The following GABRA1 variants were observed in gnomAD, a reference collection of about 807,000 sequenced individuals.
GABRA1 encodes gamma-aminobutyric acid type A receptor subunit alpha1.
A neutral mutation model predicts 48.9 loss-of-function variants in GABRA1; 9 were observed. That is an observed-to-expected ratio of 0.18 (90% confidence interval 0.11 to 0.32). GABRA1 has a LOEUF of 0.32. Among genes scored for constraint, GABRA1 ranks in the 10% least tolerant of loss-of-function variants. The probability of loss-of-function intolerance (pLI) is 1.00; values close to 1 mark genes in which losing one functional copy is unlikely to be tolerated. For synonymous variants in GABRA1, 210 were observed against 198.7 expected, an observed-to-expected ratio of 1.06 and a Z score of -0.48; for missense variants, 285 against 553.8, an observed-to-expected ratio of 0.51 and a Z score of 4.87.
intron 2 of GABRA1, among the ~76,000 whole-genome samples, chr5:161,852,435 C>T (rs1356222183): frequency 6.6e-6 from 1 of 152,000 alleles, no homozygotes; most frequent in Non-Finnish European, 1.5e-5. Flanking sequence ...CCGATCAGGG[C>T]CTCCTCACAA....
chr5:161,886,267 G>C (rs1239529025), intron 7 of GABRA1, among the ~76,000 whole-genome samples: 1 of 151,950 alleles, frequency 6.6e-6, no homozygotes, highest in Non-Finnish European at 1.5e-5. Context: ...TATGAACCCT[G>C]AAGTTATACT....
intron 6 of GABRA1, among the ~76,000 whole-genome samples, chr5:161,881,166 T>TC (rs1453596461): frequency 2.6e-5 from 4 of 152,062 alleles, no homozygotes; most frequent in Non-Finnish European, 5.9e-5. Context: ...GGCCAATGAG[T>TC]CAAGCTCTTG....
At chr5:161,857,913 G>A (rs190282854) in intron 3 of GABRA1, among the ~76,000 whole-genome samples, 2 of 150,774 alleles carry the variant, frequency 1.3e-5, no homozygotes, top group East Asian at 3.9e-4. Flanking sequence ...CCTAAAGCAT[G>A]GTCAGTGTAG....
At chr5:161,892,896 C>T (rs1477266125) in intron 8 of GABRA1, among the ~76,000 whole-genome samples, 2 of 151,356 alleles carry the variant, frequency 1.3e-5, no homozygotes, top group African/African-American at 2.4e-5. Flanking sequence ...CTCAGCTACT[C>T]GGGAGGCTGA....
rs765749112 is a variant in GABRA1, at chr5:161,895,881, A to G, written c.1059+13A>G. ...GGTTCCAGAAAAGGTAAATGCTTTA[A>G]TGGTCACTGTAGTACATCAATATTA... On this transcript the variant is annotated intron_variant, in intron 9 of 9. Coordinates refer to ENST00000393943, the MANE Select transcript of GABRA1 (RefSeq NM_001127644.2). 2 of 1,605,924 alleles carry G rather than the reference A, an allele frequency of 1.2e-6. No individual in the cohort carries two copies. Among genetic ancestry groups the G allele is most frequent in the South Asian group, 1.1e-5 (1 of 90,928 alleles).
In GABRA1 at chr5:161,869,090, T is replaced by C. The variant is rs56838628; in HGVS notation, c.255+3302T>C. 7.3e-3 allele frequency among the ~76,000 whole-genome samples: 1,116 copies of C among 152,186 alleles called. 47 individuals are homozygous for C. In the East Asian group the frequency reaches 0.13, roughly 18 times the overall value. ...AGAAGATTAATCATTTAAATTACAT[T>C]ATAGGAGAATTGTGTACAAGAAGAA... On this transcript the variant is annotated intron_variant, in intron 4 of 9. Transcript: ENST00000393943.
intron 8 of GABRA1, among the ~76,000 whole-genome samples, chr5:161,893,373 A>T (rs1033900697): frequency 2.0e-5 from 3 of 152,092 alleles, no homozygotes; most frequent in Non-Finnish European, 4.4e-5. Flanking sequence ...TCACAAATAC[A>T]ATTTTCTAGA....
intron 5 of GABRA1, among the ~76,000 whole-genome samples, chr5:161,874,454 A>G (rs1327370605): frequency 6.7e-6 from 1 of 148,998 alleles, no homozygotes; most frequent in Non-Finnish European, 1.5e-5. Flanking sequence ...TTCCCCCCTG[A>G]TGAAACACCA....
intron 1 of GABRA1, chr5:161,849,184 C>T (rs1757342090): frequency 4.0e-6 from 1 of 253,034 alleles, no homozygotes; most frequent in African/African-American, 2.4e-5. Context: ...TTGTTTTTCT[C>T]TTTTAAAAAT....
At chr5:161,888,246 T>C (rs539536282) in intron 7 of GABRA1, among the ~76,000 whole-genome samples, 1 of 152,122 alleles carries the variant, frequency 6.6e-6, no homozygotes, top group African/African-American at 2.4e-5. Flanking sequence ...TTTAGGTGAC[T>C]TGGTTTTTTG....
In GABRA1 at chr5:161,897,553, A is replaced by G; in HGVS notation, c.*131A>G. 2 of 922,386 alleles carry G rather than the reference A, an allele frequency of 2.2e-6. No homozygotes were observed. The highest frequency in any genetic ancestry group is 1.5e-5 in the South Asian group (1 of 65,590). 57.1% of individuals were successfully genotyped at this position (922,386 alleles called of 1,614,324 possible). A position where few individuals can be genotyped will look rare whatever the true frequency, so the allele number is the denominator to read the frequency against. Reference sequence around the variant, plus strand: ...GAAAGTTTCCTTATTTTCATAATTCATTTAAGAACAAGAGACCCCTGTCTG... The same window carrying G: ...GAAAGTTTCCTTATTTTCATAATTCGTTTAAGAACAAGAGACCCCTGTCTG... On this transcript the variant is annotated 3_prime_UTR_variant, in exon 10 of 10. Coordinates refer to ENST00000393943, the MANE Select transcript of GABRA1 (RefSeq NM_001127644.2).
At chr5:161,873,799 C>T (rs759482614) in intron 5 of GABRA1, among the ~76,000 whole-genome samples, 16 of 152,088 alleles carry the variant, frequency 1.1e-4, no homozygotes, top group Non-Finnish European at 1.5e-4. Flanking sequence ...TTCACAATGG[C>T]GTTGATAGCT....
At chr5:161,859,676 G>C (rs1333836377) in intron 3 of GABRA1, among the ~76,000 whole-genome samples, 1 of 151,626 alleles carries the variant, frequency 6.6e-6, no homozygotes, top group South Asian at 2.1e-4. Context: ...TTGTAACATT[G>C]AGATCAGAGA....
chr5:161,871,380 A>G (rs771409465), intron 4 of GABRA1, among the ~76,000 whole-genome samples: 9 of 152,108 alleles, frequency 5.9e-5, no homozygotes, highest in Non-Finnish European at 1.3e-4. Context: ...GACAGAAACT[A>G]GAGCTTATAT....
At chr5:161,861,733 G>T (rs1757866788) in intron 3 of GABRA1, among the ~76,000 whole-genome samples, 1 of 151,890 alleles carries the variant, frequency 6.6e-6, no homozygotes, top group South Asian at 2.1e-4. Flanking sequence ...GGTCAGCAGG[G>T]AGCTGGAACA....
At chr5:161,869,648 C>T (rs1016176815) in intron 4 of GABRA1, among the ~76,000 whole-genome samples, 1 of 152,142 alleles carries the variant, frequency 6.6e-6, no homozygotes, top group Admixed American at 6.6e-5. Flanking sequence ...ATGGCACAGG[C>T]AGGAACACTT....
At chr5:161,878,244 A>C (rs751197985) in intron 6 of GABRA1, among the ~76,000 whole-genome samples, 1 of 152,192 alleles carries the variant, frequency 6.6e-6, no homozygotes, top group Non-Finnish European at 1.5e-5. Flanking sequence ...AGAGCAGACT[A>C]GACATTGAAG....
intron 2 of GABRA1, among the ~76,000 whole-genome samples, chr5:161,851,904 T>C (rs778739656): frequency 5.3e-5 from 8 of 151,986 alleles, no homozygotes; most frequent in Non-Finnish European, 7.4e-5. Context: ...GTAGATGGAG[T>C]TAGTGCACAG....
chr5:161,888,250 T>C (rs1386598606), intron 7 of GABRA1, among the ~76,000 whole-genome samples: 1 of 152,088 alleles, frequency 6.6e-6, no homozygotes, highest in African/African-American at 2.4e-5. Context: ...GGTGACTTGG[T>C]TTTTTGTTTT....
Sources: gnomAD v4.1 joint callset for allele counts (sites outside exome capture counted in the v4.1 genomes callset) on GRCh38, gnomAD v4.1.1 for gene constraint, MANE v1.5 for transcripts, NCBI Gene and HGNC (gene_info 2026-07-23, HGNC 2026-07-21) for gene names.